The following A4GNT variants were observed in gnomAD, a reference collection of about 807,000 sequenced individuals.
The protein encoded by A4GNT is alpha-1,4-N-acetylglucosaminyltransferase.
Under a neutral mutation model 8.3 loss-of-function variants are expected in A4GNT, and 6 were observed. The ratio of observed to expected loss-of-function variants is 0.72; its 90% CI spans 0.39 to 1.42. The LOEUF is 1.42. Among genes scored for constraint, A4GNT ranks in the 40% most tolerant of loss-of-function variants. A4GNT has a pLI of 0.02. For synonymous variants in A4GNT, 157 were observed against 159.8 expected (o/e 0.98, Z 0.13); for missense variants, 377 against 417.0 (o/e 0.90, Z 0.84).
chr3:138,127,831 T>TG (rs2042755021), intron 2 of A4GNT, among the ~76,000 whole-genome samples: 1 of 152,176 alleles, frequency 6.6e-6, no homozygotes, highest in Non-Finnish European at 1.5e-5. Flanking sequence ...GGGAAGCACA[T>TG]GCCACAGCTC....
chr3:138,130,261 G>T (rs1576523473), intron 2 of A4GNT, among the ~76,000 whole-genome samples: 1 of 152,178 alleles, frequency 6.6e-6, no homozygotes, highest in Non-Finnish European at 1.5e-5. Flanking sequence ...TTGAGTTGTT[G>T]TACTATAATT....
At chr3:138,125,578 G>A (rs908510536) in intron 2 of A4GNT, among the ~76,000 whole-genome samples, 6 of 152,182 alleles carry the variant, frequency 3.9e-5, no homozygotes, top group African/African-American at 1.4e-4. Context: ...AGGGGCCAGG[G>A]TGGAGCGCTG....
intron 2 of A4GNT, among the ~76,000 whole-genome samples, chr3:138,127,928 G>A (rs2042755660): frequency 6.6e-6 from 1 of 152,190 alleles, no homozygotes; most frequent in Non-Finnish European, 1.5e-5. Context: ...AAACACTTAG[G>A]AGCTCTCTAG....
chr3:138,130,867 C>A lies in A4GNT; in HGVS notation c.390G>T (p.Leu130Phe). ...DMKRLLEDTP[L>F]FSWYNQINAS... Reference sequence around the variant, plus strand: ...CACTTACTTGATTGTACCATGAAAACAATGGTGTGTCTTCAAGCAGCCTTT... The same window carrying A: ...CACTTACTTGATTGTACCATGAAAAAAATGGTGTGTCTTCAAGCAGCCTTT... Residue 130 changes from leucine to phenylalanine, a missense_variant, in exon 2 of 3, where the codon TTG becomes TTT. Leu to Phe is a conservative substitution (Grantham distance 22). Coordinates refer to ENST00000236709, the MANE Select transcript of A4GNT (RefSeq NM_016161.3). 1 of 1,613,978 alleles carries A rather than the reference C, an allele frequency of 6.2e-7. No homozygotes were observed. The highest frequency in any genetic ancestry group is 8.5e-7 in the Non-Finnish European group (1 of 1,179,976).
At chr3:138,127,118 C>CAAA (rs898641661) in intron 2 of A4GNT, among the ~76,000 whole-genome samples, 156 of 33,614 alleles carry the variant, frequency 4.6e-3, no homozygotes, top group Middle Eastern at 0.019. Context: ...GACTCCATCT[C>CAAA]AAAAAAAAAA....
At chr3:138,131,845 C>CTTCT (rs1481497884) in intron 1 of A4GNT, among the ~76,000 whole-genome samples, 1 of 152,040 alleles carries the variant, frequency 6.6e-6, no homozygotes, top group East Asian at 1.9e-4. Flanking sequence ...CAATGTCTAC[C>CTTCT]AGAACATATA....
In A4GNT at chr3:138,124,174, CCG is replaced by C; in HGVS notation, c.*88_*89del. On this transcript the variant is annotated 3_prime_UTR_variant, in exon 3 of 3. Coordinates refer to ENST00000236709, the MANE Select transcript of A4GNT (RefSeq NM_016161.3). Reference sequence around the variant, plus strand: ...TTTGAGAGGCAACCCTCTGCCCACCCCGCCAAGAGACAGTGGAGATCAAGTGA... The same window carrying C: ...TTTGAGAGGCAACCCTCTGCCCACCCCCAAGAGACAGTGGAGATCAAGTGA... 1 of 1,507,878 alleles carries C rather than the reference CCG, an allele frequency of 6.6e-7. No individual in the cohort carries two copies. Among genetic ancestry groups the C allele is most frequent in the South Asian group, 1.3e-5 (1 of 74,700 alleles). 93.4% of individuals were successfully genotyped at this position (1,507,878 alleles called of 1,614,324 possible).
In A4GNT at chr3:138,124,587, C is replaced by T; in HGVS notation, c.700G>A (p.Val234Ile). 5.0e-6 allele frequency: 8 copies of T among 1,614,218 alleles called. No individual in the cohort carries two copies. Among genetic ancestry groups the T allele is most frequent in the Non-Finnish European group, 6.8e-6 (8 of 1,180,042 alleles). Residue 234 changes from valine to isoleucine, a missense_variant, in exon 3 of 3, where the codon GTA becomes ATA. Val to Ile is a conservative substitution (Grantham distance 29). Coordinates refer to ENST00000236709, the MANE Select transcript of A4GNT (RefSeq NM_016161.3). ...GPELMTRMLR[V>I]WCKLEDFQEV... Reference sequence around the variant, plus strand: ...TGGAAGTCTTCAAGTTTACACCATACCCTCAACATCCTTGTCATCAACTCA... The same window carrying T: ...TGGAAGTCTTCAAGTTTACACCATATCCTCAACATCCTTGTCATCAACTCA...
chr3:138,126,499 A>T (rs946432472), intron 2 of A4GNT, among the ~76,000 whole-genome samples: 1 of 138,098 alleles, frequency 7.2e-6, no homozygotes, highest in African/African-American at 2.8e-5. Context: ...CAGGTCAACT[A>T]AAACTTGCAG....
At chr3:138,127,647 G>C (rs961018097) in intron 2 of A4GNT, among the ~76,000 whole-genome samples, 1 of 151,754 alleles carries the variant, frequency 6.6e-6, no homozygotes, top group Non-Finnish European at 1.5e-5. Flanking sequence ...GGTTCTAGCT[G>C]CTCAGAGAAC....
chr3:138,128,823 C>T (rs1336322703), intron 2 of A4GNT, among the ~76,000 whole-genome samples: 1 of 151,976 alleles, frequency 6.6e-6, no homozygotes, highest in Non-Finnish European at 1.5e-5. Context: ...CTGTGCAGGG[C>T]AGTGCCACCT....
At chr3:138,125,062 G>A (rs572050622) in intron 2 of A4GNT, among the ~76,000 whole-genome samples, 184 bp from the exon 3 acceptor site, 2 of 152,274 alleles carry the variant, frequency 1.3e-5, no homozygotes, top group Non-Finnish European at 2.9e-5. Context: ...TTTCATTTAA[G>A]TAAAAAGTTT....
Position 138,131,741 on chromosome 3 carries a change from T to C in A4GNT, c.-26-459A>G, listed in dbSNP as rs75460464. ...CTAAAGAAGAAAAGCCATATGATCA[T>C]TTTGGCTCAAGAGATGCCAAGAATG... On this transcript the variant is annotated intron_variant, in intron 1 of 2. Transcript: ENST00000236709. Among the ~76,000 whole-genome samples the C allele has an allele frequency of 7.8e-3, 1,181 of 152,326 alleles. 16 individuals are homozygous for C. Among genetic ancestry groups the C allele is most frequent in the African/African-American group, 0.027 (1,111 of 41,570 alleles).
In A4GNT at chr3:138,124,476, A is replaced by G. The variant is rs151042505; in HGVS notation, c.811T>C (p.Tyr271His). 6.2e-7 allele frequency: 1 copy of G among 1,614,116 alleles called. No individual in the cohort carries two copies. Among genetic ancestry groups the G allele is most frequent in the African/African-American group, 1.3e-5 (1 of 74,944 alleles). The change falls in exon 3 of 3, where the codon TAC becomes CAC. Residue 271 changes from tyrosine to histidine, a missense_variant. Tyr to His is a moderately conservative substitution (Grantham distance 83). Coordinates refer to ENST00000236709, the MANE Select transcript of A4GNT (RefSeq NM_016161.3). ...GGCTCTGTATCCCACACTTCATAGT[A>G]GCGCCTCCACTCTCGATAGGAGATG... is the stretch of plus-strand genomic sequence containing the variant. ...YPISYREWRR[Y>H]YEVWDTEPSF...
rs2042773536 is a variant in A4GNT, at chr3:138,131,061, A to G, written c.196T>C (p.Leu66=). The stretch of plus-strand genomic sequence containing the variant: ...GCAGACTCTACGGAACAGGAGACCA[A>G]ATGGGGTGGCTCCATTCTCTCTGAG... The part of the protein sequence containing the change: ...ETSERMEPPH[L]VSCSVESAAK... The change falls in exon 2 of 3, where the codon TTG becomes CTG. Residue 66 remains leucine (L), a synonymous_variant. Coordinates refer to ENST00000236709, the MANE Select transcript of A4GNT (RefSeq NM_016161.3). 1.2e-6 allele frequency: 2 copies of G among 1,613,800 alleles called. No individual in the cohort carries two copies. Among genetic ancestry groups the G allele is most frequent in the Non-Finnish European group, 1.7e-6 (2 of 1,179,830 alleles).
rs563180536 is a variant in A4GNT at position 138,124,699 on chromosome 3, C to T, written c.588G>A (p.Gly196=). 59 of 1,614,142 alleles carry T rather than the reference C, an allele frequency of 3.7e-5. No individual in the cohort carries two copies. In the South Asian group the frequency reaches 6.0e-4, roughly 17 times the overall value. ...ACAAAAAGGGGTGGTGGGGGAGGAA[C>T]CCAAATATTCCATTACTAGAGTACC... The part of the protein sequence containing the change: ...ASRYSSNGIF[G]FLPHHPFLWE... Residue 196 remains glycine, a synonymous_variant, in exon 3 of 3, where the codon GGG becomes GGA. Transcript: ENST00000236709.
At chr3:138,131,744 T>C (rs534480780) in intron 1 of A4GNT, among the ~76,000 whole-genome samples, 1 of 152,358 alleles carries the variant, frequency 6.6e-6, no homozygotes, top group South Asian at 2.1e-4. Context: ...ATGATCATTT[T>C]GGCTCAAGAG....
At chr3:138,125,003 G>T in intron 2 of A4GNT, 125 bp from the exon 3 acceptor site, 2 of 1,262,714 alleles carry the variant, frequency 1.6e-6, no homozygotes, top group East Asian at 2.5e-5. Context: ...AATCCTATTT[G>T]CCACAGCCCG....
intron 2 of A4GNT, among the ~76,000 whole-genome samples, chr3:138,130,170 G>GT (rs1307103475): frequency 4.6e-5 from 7 of 151,664 alleles, no homozygotes; most frequent in Non-Finnish European, 1.0e-4. Context: ...ACATAAGGTG[G>GT]TTTTAATTCC....
Sources: gnomAD v4.1 joint callset for allele counts (sites outside exome capture counted in the v4.1 genomes callset) on GRCh38, gnomAD v4.1.1 for gene constraint, MANE v1.5 for transcripts, NCBI Gene and HGNC (gene_info 2026-07-23, HGNC 2026-07-21) for gene names.